CORO2B: variants seen among roughly 807,000 people sequenced by gnomAD.
The protein encoded by CORO2B is coronin-2B.
In CORO2B, 26 loss-of-function variants were observed where a neutral mutation model predicts 58.8. The observed-to-expected ratio is 0.44, with a 90% CI of 0.32 to 0.61. The LOEUF is 0.61. CORO2B is among the 20% of genes least tolerant of loss of function. The pLI, the probability that CORO2B is intolerant of heterozygous loss-of-function variation, is 0.04. For missense variants in CORO2B, 460 were observed against 645.1 expected (o/e 0.71, Z 3.11); for synonymous variants, 242 against 253.8 (o/e 0.95, Z 0.44).
intron 1 of CORO2B, among the ~76,000 whole-genome samples, chr15:68,593,103 T>C (rs190048024): frequency 6.6e-6 from 1 of 152,158 alleles, no homozygotes; most frequent in Non-Finnish European, 1.5e-5. Context: ...ACTCATTCTT[T>C]CATCAGGAGC....
At chr15:68,540,747 T>A in the CORO2B span, among the ~76,000 whole-genome samples, 3 of 152,174 alleles carry the variant, frequency 2.0e-5, no homozygotes, top group South Asian at 4.1e-4. Flanking sequence ...GCTTTTTTTT[T>A]AAACTGCAAG....
intron 11 of CORO2B, among the ~76,000 whole-genome samples, chr15:68,721,721 A>T (rs931956559): frequency 1.4e-5 from 2 of 145,704 alleles, no homozygotes; most frequent in East Asian, 2.1e-4. Context: ...TTTTTCATTT[A>T]AAAAATTTTT....
At chr15:68,581,005 C>T (rs1359393770) in intron 1 of CORO2B, among the ~76,000 whole-genome samples, 1 of 152,158 alleles carries the variant, frequency 6.6e-6, no homozygotes, top group African/African-American at 2.4e-5. Flanking sequence ...AAGTCTGTCT[C>T]AATCTATGGC....
intron 2 of CORO2B, among the ~76,000 whole-genome samples, chr15:68,677,919 G>A (rs1028489329): frequency 1.3e-5 from 2 of 152,158 alleles, no homozygotes; most frequent in African/African-American, 4.8e-5. Flanking sequence ...CTGCAGCCAT[G>A]GAAAAACATG....
intron 1 of CORO2B, among the ~76,000 whole-genome samples, chr15:68,611,413 A>G (rs1330007411): frequency 1.3e-5 from 2 of 152,030 alleles, no homozygotes; most frequent in African/African-American, 4.8e-5. Context: ...TTTTTCCCCT[A>G]TGACTGTATA....
chr15:68,576,598 C>A (rs1303480303), upstream of CORO2B, among the ~76,000 whole-genome samples: 1 of 152,070 alleles, frequency 6.6e-6, no homozygotes, highest in Non-Finnish European at 1.5e-5. Context: ...GACTGGTGTC[C>A]TTGAGTTGCC....
chr15:68,520,918 G>A, the CORO2B span, among the ~76,000 whole-genome samples: 6 of 152,036 alleles, frequency 3.9e-5, no homozygotes, highest in South Asian at 4.1e-4. Context: ...CCATGATGGC[G>A]TGCACCTGTA....
At chr15:68,658,437 G>C (rs1246110444) in intron 2 of CORO2B, among the ~76,000 whole-genome samples, 1 of 152,254 alleles carries the variant, frequency 6.6e-6, no homozygotes, top group Non-Finnish European at 1.5e-5. Flanking sequence ...TTGTGGTTGG[G>C]GCCTAGGCCA....
intron 1 of CORO2B, among the ~76,000 whole-genome samples, chr15:68,634,511 G>A (rs546045126): frequency 1.3e-5 from 2 of 152,292 alleles, no homozygotes; most frequent in Non-Finnish European, 2.9e-5. Flanking sequence ...TGGAGGAACT[G>A]GGAGGTAAAG....
At chr15:68,619,068 A>G (rs998844897) in intron 1 of CORO2B, among the ~76,000 whole-genome samples, 1 of 152,154 alleles carries the variant, frequency 6.6e-6, no homozygotes, top group Non-Finnish European at 1.5e-5. Context: ...CCCAGATACA[A>G]TTACATCATA....
intron 2 of CORO2B, among the ~76,000 whole-genome samples, chr15:68,688,887 C>G (rs920524327): frequency 1.3e-5 from 2 of 152,176 alleles, no homozygotes; most frequent in Admixed American, 6.5e-5. Context: ...AGAAGGTGCC[C>G]TACTTCACAC....
At chr15:68,695,103 T>G (rs1193348693) in intron 2 of CORO2B, 37 bp from the exon 3 acceptor site, 5 of 1,559,170 alleles carry the variant, frequency 3.2e-6, no homozygotes, top group Non-Finnish European at 4.4e-6. Flanking sequence ...GCCATCAAAC[T>G]AATCTCCTTC....
At chr15:68,521,402 G>C in the CORO2B span, among the ~76,000 whole-genome samples, 15 of 151,996 alleles carry the variant, frequency 9.9e-5, no homozygotes, top group Non-Finnish European at 1.9e-4. Context: ...CCTACTTTTT[G>C]TGTTATTATT....
chr15:68,604,732 C>G (rs1364101086), intron 1 of CORO2B, among the ~76,000 whole-genome samples: 1 of 152,058 alleles, frequency 6.6e-6, no homozygotes, highest in Admixed American at 6.5e-5. Flanking sequence ...ATTATGGGTG[C>G]GTTTGTTTAC....
At chr15:68,672,685 G>A (rs896256212) in intron 2 of CORO2B, among the ~76,000 whole-genome samples, 3 of 152,202 alleles carry the variant, frequency 2.0e-5, no homozygotes, top group Non-Finnish European at 4.4e-5. Flanking sequence ...TGAAGAAATG[G>A]TGCCTCTAGA....
chr15:68,726,096 C>T lies in CORO2B; in HGVS notation c.*122C>T. The stretch of plus-strand genomic sequence containing the variant: ...CAGGAGTGGGGGCCAGCCTGAGGAC[C>T]CCCGCCTACCACCTCGAGAACTGGA... On this transcript the variant is annotated 3_prime_UTR_variant, in exon 12 of 12. Coordinates refer to ENST00000261861, the MANE Select transcript of CORO2B (RefSeq NM_006091.5). 7.8e-7 allele frequency: 1 copy of T among 1,287,650 alleles called. No individual in the cohort carries two copies. The highest frequency in any genetic ancestry group is 1.1e-6 in the Non-Finnish European group (1 of 937,618). 79.8% of individuals were successfully genotyped at this position (1,287,650 alleles called of 1,614,324 possible). A position where few individuals can be genotyped will look rare whatever the true frequency, so the allele number is the denominator to read the frequency against.
At chr15:68,724,257 A>G (rs1893238922) in intron 11 of CORO2B, among the ~76,000 whole-genome samples, 1 of 152,178 alleles carries the variant, frequency 6.6e-6, no homozygotes, top group South Asian at 2.1e-4. Context: ...CATTTAGCAT[A>G]TTTTGATGCA....
chr15:68,674,510 G>T (rs937279469), intron 2 of CORO2B, among the ~76,000 whole-genome samples: 2 of 152,192 alleles, frequency 1.3e-5, no homozygotes, highest in Non-Finnish European at 2.9e-5. Context: ...CACTGGCCTG[G>T]GTGTCTGCAA....
chr15:68,691,643 A>AAAAG lies in CORO2B; in HGVS notation c.217-3493_217-3490dup, dbSNP rs1892378616. 2.7e-5 allele frequency among the ~76,000 whole-genome samples: 4 copies of AAAAG among 149,402 alleles called. 1 individual carries two copies. The highest frequency in any genetic ancestry group is 4.3e-4 in the South Asian group (2 of 4,704). On this transcript the variant is annotated intron_variant, in intron 2 of 11. Coordinates refer to ENST00000261861, the MANE Select transcript of CORO2B (RefSeq NM_006091.5). ...CCGTCTCAAAAAAAAAAAAAAAAAA[A>AAAAG]AAAGAAAAGAAAAGTGGTTTTCAAG... is the stretch of plus-strand genomic sequence containing the variant.
Sources: allele counts gnomAD v4.1 joint callset (sites outside exome capture counted in the v4.1 genomes callset), GRCh38; gene constraint gnomAD v4.1.1; transcripts MANE v1.5; gene names NCBI Gene and HGNC (gene_info 2026-07-23, HGNC 2026-07-21).